The following PLCL1 variants were observed in gnomAD, a reference collection of about 807,000 sequenced individuals.
PLCL1 encodes phospholipase C like 1 (inactive).
PLCL1 carries 41 observed loss-of-function variants against 84.4 expected under a neutral mutation model. The ratio of observed to expected loss-of-function variants is 0.49; its 90% confidence interval spans 0.38 to 0.63. The LOEUF is 0.63. Ranked by LOEUF, PLCL1 falls within the 30% of genes least tolerant of loss-of-function variation. The probability of loss-of-function intolerance (pLI) is 0.00; values close to 1 mark genes in which losing one functional copy is unlikely to be tolerated. For missense variants in PLCL1, 1,206 were observed against 1,367.8 expected (o/e 0.88, Z 1.87); for synonymous variants, 490 against 488.3 (o/e 1.00, Z -0.05).
chr2:197,939,533 TCTC>T (rs979532265), intron 1 of PLCL1, among the ~76,000 whole-genome samples: 3 of 152,020 alleles, frequency 2.0e-5, no homozygotes, highest in Admixed American at 6.6e-5. Flanking sequence ...TCTGCCATCT[TCTC>T]CTCCTGGTTT....
chr2:197,825,042 TC>T (rs1461100487), intron 1 of PLCL1, among the ~76,000 whole-genome samples: 1 of 152,102 alleles, frequency 6.6e-6, no homozygotes, highest in African/African-American at 2.4e-5. Context: ...ATGCTGAAAA[TC>T]AGAGGTGTCT....
chr2:197,968,452 T>C (rs1032669591), intron 1 of PLCL1, among the ~76,000 whole-genome samples: 1 of 152,176 alleles, frequency 6.6e-6, no homozygotes, highest in African/African-American at 2.4e-5. Flanking sequence ...AAAATGATAA[T>C]AACAAAAGTA....
At chr2:198,066,513 T>C (rs1166426069) in intron 1 of PLCL1, among the ~76,000 whole-genome samples, 4 of 152,228 alleles carry the variant, frequency 2.6e-5, no homozygotes, top group Non-Finnish European at 4.4e-5. Context: ...TTCAGTATAC[T>C]GGGAACTCTC....
intron 1 of PLCL1, among the ~76,000 whole-genome samples, chr2:197,858,988 C>A (rs1687380338): frequency 6.6e-6 from 1 of 152,030 alleles, no homozygotes; most frequent in African/African-American, 2.4e-5. Flanking sequence ...CATGGCATAG[C>A]CTTTAAAGAG....
chr2:197,980,351 A>G (rs1214572735), intron 1 of PLCL1, among the ~76,000 whole-genome samples: 2 of 152,210 alleles, frequency 1.3e-5, no homozygotes, highest in African/African-American at 2.4e-5. Flanking sequence ...GGAGGTTCCA[A>G]CAAGCAAATA....
intron 1 of PLCL1, among the ~76,000 whole-genome samples, chr2:197,860,926 G>C (rs1307882084): frequency 6.6e-6 from 1 of 152,060 alleles, no homozygotes; most frequent in Non-Finnish European, 1.5e-5. Flanking sequence ...TGGCATCTTC[G>C]TCATGAAATC....
chr2:198,109,806 A>G (rs1440292591), intron 5 of PLCL1, among the ~76,000 whole-genome samples: 1 of 151,668 alleles, frequency 6.6e-6, no homozygotes, highest in African/African-American at 2.4e-5. Context: ...CCCAATATAT[A>G]TTTTTCTAAC....
intron 1 of PLCL1, among the ~76,000 whole-genome samples, chr2:197,967,736 T>A (rs1689773296): frequency 6.6e-6 from 1 of 152,246 alleles, no homozygotes; most frequent in African/African-American, 2.4e-5. Flanking sequence ...TCTCTTAGTT[T>A]ATTTTTATTA....
intron 5 of PLCL1, among the ~76,000 whole-genome samples, chr2:198,123,448 G>A (rs1158476803): frequency 6.6e-6 from 1 of 151,894 alleles, no homozygotes; most frequent in African/African-American, 2.4e-5. Context: ...TTGGTGGGGC[G>A]GGGGATAATC....
chr2:198,063,471 A>G (rs1159726743), intron 1 of PLCL1, among the ~76,000 whole-genome samples: 1 of 152,188 alleles, frequency 6.6e-6, no homozygotes, highest in Non-Finnish European at 1.5e-5. Context: ...CTTTGCAAGG[A>G]GAAGAGAAAG....
At chr2:197,869,219 C>T (rs149306131) in intron 1 of PLCL1, among the ~76,000 whole-genome samples, 5 of 152,156 alleles carry the variant, frequency 3.3e-5, no homozygotes, top group South Asian at 2.1e-4. Flanking sequence ...CAGGACTGTC[C>T]GATTTAAAGG....
intron 5 of PLCL1, among the ~76,000 whole-genome samples, chr2:198,105,672 A>T (rs1405967351): frequency 6.6e-6 from 1 of 150,794 alleles, no homozygotes; most frequent in South Asian, 2.1e-4. Flanking sequence ...TCAAGTCAAT[A>T]TGGCTGTTCT....
At chr2:198,082,974 C>T (rs920884536) in intron 1 of PLCL1, among the ~76,000 whole-genome samples, 10 of 152,158 alleles carry the variant, frequency 6.6e-5, no homozygotes, top group Admixed American at 5.2e-4. Flanking sequence ...AGGACACTTC[C>T]AGAAATGGCA....
chr2:197,833,793 T>G, intron 1 of PLCL1, among the ~76,000 whole-genome samples: 1 of 152,196 alleles, frequency 6.6e-6, no homozygotes, highest in Admixed American at 6.5e-5. Context: ...ATTGACTTTC[T>G]TCACAGAATT....
At chr2:198,047,315 C>T (rs1282516050) in intron 1 of PLCL1, among the ~76,000 whole-genome samples, 1 of 152,140 alleles carries the variant, frequency 6.6e-6, no homozygotes, top group Non-Finnish European at 1.5e-5. Flanking sequence ...TCCCAAGTAG[C>T]TGGGACTACA....
chr2:197,863,999 A>G (rs1687481043), intron 1 of PLCL1, among the ~76,000 whole-genome samples: 1 of 152,076 alleles, frequency 6.6e-6, no homozygotes, highest in Admixed American at 6.6e-5. Context: ...TTCTTTCTCT[A>G]TTTTTCTAGC....
At chr2:197,855,130 G>A (rs1574914299) in intron 1 of PLCL1, among the ~76,000 whole-genome samples, 1 of 152,102 alleles carries the variant, frequency 6.6e-6, no homozygotes, top group Non-Finnish European at 1.5e-5. Context: ...TAAGGAAACT[G>A]GGGAAAGAAT....
At chr2:197,829,036 G>C (rs1462450967) in intron 1 of PLCL1, among the ~76,000 whole-genome samples, 1 of 152,108 alleles carries the variant, frequency 6.6e-6, no homozygotes, top group Non-Finnish European at 1.5e-5. Context: ...GTAGGTGGTT[G>C]CCAGACAAAA....
At chr2:198,058,503 C>T (rs1692117586) in intron 1 of PLCL1, among the ~76,000 whole-genome samples, 1 of 151,854 alleles carries the variant, frequency 6.6e-6, no homozygotes, top group African/African-American at 2.4e-5. Context: ...CAAATACATG[C>T]AATTACCAGA....
Sources: gnomAD v4.1 joint callset for allele counts (sites outside exome capture counted in the v4.1 genomes callset) on GRCh38, gnomAD v4.1.1 for gene constraint, MANE v1.5 for transcripts, NCBI Gene and HGNC (gene_info 2026-07-23, HGNC 2026-07-21) for gene names.